Variants in PPM1H observed in about 807,000 individuals in gnomAD.
The protein encoded by PPM1H is protein phosphatase 1H.
A neutral mutation model predicts 54.9 loss-of-function variants in PPM1H; 27 were observed. That is an observed-to-expected ratio of 0.49 (90% CI 0.36 to 0.68). The LOEUF (loss-of-function observed/expected upper bound fraction) is 0.68. Among genes scored for constraint, PPM1H ranks in the 30% least tolerant of loss-of-function variants. The pLI, the probability that PPM1H is intolerant of heterozygous loss-of-function variation, is 0.00. For missense variants in PPM1H, 596 were observed against 667.8 expected (o/e 0.89, Z 1.19); for synonymous variants, 305 against 270.8 (o/e 1.13, Z -1.24).
chr12:62,934,844 C>G lies in PPM1H; in HGVS notation c.-108G>C. The G allele has an allele frequency of 8.8e-7, 1 of 1,141,710 alleles. No individual in the cohort carries two copies. Among genetic ancestry groups the G allele is most frequent in the South Asian group, 4.3e-5 (1 of 23,090 alleles). 70.7% of individuals were successfully genotyped at this position (1,141,710 alleles called of 1,614,324 possible). A position where few individuals can be genotyped will look rare whatever the true frequency, so the allele number is the denominator to read the frequency against. ...GGTGGGCGCCGGGCGCACGGCGAGT[C>G]GGGCCACTGGGACGCGCCGCGCGCG... On this transcript the variant is annotated 5_prime_UTR_variant, in exon 1 of 10. Coordinates refer to ENST00000228705, the MANE Select transcript of PPM1H (RefSeq NM_020700.2). The surrounding 1 kb of genome is among the most constrained non-coding windows in gnomAD (Gnocchi z 4.2).
intron 3 of PPM1H, among the ~76,000 whole-genome samples, chr12:62,797,626 C>T (rs1465869512): frequency 6.6e-6 from 1 of 152,034 alleles, no homozygotes; most frequent in African/African-American, 2.4e-5. Flanking sequence ...AAGGTTTACA[C>T]GGTAAGACAA....
At chr12:62,756,141 C>A (rs2076472923) in intron 4 of PPM1H, 9 of 849,024 alleles carry the variant, frequency 1.1e-5, no homozygotes, top group East Asian at 2.5e-5. Flanking sequence ...CCTCAACGAC[C>A]ACTTTGTCAA....
intron 6 of PPM1H, among the ~76,000 whole-genome samples, chr12:62,694,774 C>T (rs1454978644): frequency 1.3e-5 from 2 of 152,152 alleles, no homozygotes. Flanking sequence ...TCTCAGTTTC[C>T]TCATCTGTAC....
At chr12:62,751,774 A>G (rs186132494) in intron 4 of PPM1H, among the ~76,000 whole-genome samples, 7 of 152,340 alleles carry the variant, frequency 4.6e-5, no homozygotes, top group African/African-American at 1.7e-4. Flanking sequence ...TAATGTACTG[A>G]GAATGTCTTG....
At chr12:62,725,823 T>C (rs2076286611) in intron 5 of PPM1H, among the ~76,000 whole-genome samples, 1 of 152,062 alleles carries the variant, frequency 6.6e-6, no homozygotes, top group Non-Finnish European at 1.5e-5. Flanking sequence ...AAATATAAAA[T>C]TCAGATATGT....
intron 4 of PPM1H, among the ~76,000 whole-genome samples, chr12:62,763,802 G>T (rs958038942): frequency 2.0e-5 from 3 of 152,176 alleles, no homozygotes; most frequent in Non-Finnish European, 4.4e-5. Context: ...GGTTTGGCCA[G>T]ACCTAAACCT....
At chr12:62,812,766 C>T (rs2076842752) in intron 2 of PPM1H, among the ~76,000 whole-genome samples, 1 of 149,426 alleles carries the variant, frequency 6.7e-6, no homozygotes. Flanking sequence ...TCCCATTTTT[C>T]AAAAAATCTA....
chr12:62,755,838 A>C, intron 4 of PPM1H: 1 of 799,106 alleles, frequency 1.3e-6, no homozygotes, highest in South Asian at 1.4e-5. Context: ...GGCGCTCTCC[A>C]GAACATCATC....
intron 9 of PPM1H, among the ~76,000 whole-genome samples, chr12:62,664,272 T>C (rs1286217014): frequency 1.3e-5 from 2 of 152,198 alleles, no homozygotes; most frequent in African/African-American, 2.4e-5. Flanking sequence ...CTATGCTTAG[T>C]TTATTAAATT....
At chr12:62,766,995 G>C (rs1024861397) in intron 4 of PPM1H, among the ~76,000 whole-genome samples, 12 of 152,212 alleles carry the variant, frequency 7.9e-5, no homozygotes, top group African/African-American at 2.9e-4. Flanking sequence ...AAATAGGCTT[G>C]CTCAGTTGGT....
intron 4 of PPM1H, among the ~76,000 whole-genome samples, chr12:62,784,753 A>G (rs1296533380): frequency 6.6e-6 from 1 of 152,378 alleles, no homozygotes; most frequent in East Asian, 1.9e-4. Context: ...ATATTTCTGT[A>G]AGCTCAAATA....
chr12:62,685,488 A>T (rs1192037291), intron 8 of PPM1H, among the ~76,000 whole-genome samples: 1 of 152,240 alleles, frequency 6.6e-6, no homozygotes, highest in African/African-American at 2.4e-5. Flanking sequence ...CTTGCTACTT[A>T]TTAACTGTAT....
At chr12:62,860,627 A>G (rs1460330015) in intron 1 of PPM1H, among the ~76,000 whole-genome samples, 1 of 152,172 alleles carries the variant, frequency 6.6e-6, no homozygotes, top group East Asian at 1.9e-4. Context: ...TATGGTGATA[A>G]CCCTGATTAT....
In PPM1H at chr12:62,752,621, T is replaced by C. The variant is rs374911212; in HGVS notation, c.870-15035A>G. 2.6e-5 allele frequency among the ~76,000 whole-genome samples: 4 copies of C among 152,262 alleles called. No homozygotes were observed. In the East Asian group the frequency reaches 7.7e-4, roughly 29 times the overall value. On this transcript the variant is annotated intron_variant, in intron 4 of 9. Transcript: ENST00000228705. ...CTTAACATTTTTCCAAGCATATCCA[T>C]AATTTTTAATTTTATTGTGACAAAG...
chr12:62,914,973 A>G lies in PPM1H; in HGVS notation c.245+19519T>C, dbSNP rs199877479. 1.9e-4 allele frequency among the ~76,000 whole-genome samples: 29 copies of G among 152,300 alleles called. No individual in the cohort carries two copies. The East Asian group carries it at 4.8e-3, about 25-fold the overall frequency. The stretch of plus-strand genomic sequence containing the variant: ...TTCACCCTTCATCTGTTTCACTCCC[A>G]TATCTGCTACTTTTCCCAAACATAA... On this transcript the variant is annotated intron_variant, in intron 1 of 9. Coordinates refer to ENST00000228705, the MANE Select transcript of PPM1H (RefSeq NM_020700.2).
chr12:62,788,255 C>T lies in PPM1H; in HGVS notation c.840G>A (p.Lys280=), dbSNP rs1193066486. The T allele has an allele frequency of 3.8e-6, 6 of 1,599,160 alleles. No individual in the cohort carries two copies. In the East Asian group the frequency reaches 1.1e-4, roughly 30 times the overall value. ...TALIVICLLG[K]LYVANAGDSR... ...TATCCCCAGCATTTGCAACATACAGCTTCCCCAAAAGGCAAATCACAATGA... is the reference window on the plus strand; with the variant it reads ...TATCCCCAGCATTTGCAACATACAGTTTCCCCAAAAGGCAAATCACAATGA... Residue 280 remains lysine (K), a synonymous_variant, in exon 4 of 10, where the codon AAG becomes AAA. Transcript: ENST00000228705.
intron 4 of PPM1H, among the ~76,000 whole-genome samples, chr12:62,751,779 G>A (rs896037791): frequency 7.2e-5 from 11 of 152,240 alleles, no homozygotes; most frequent in Admixed American, 7.2e-4. Flanking sequence ...TACTGAGAAT[G>A]TCTTGCAGTG....
At chr12:62,654,395 GTACTTCAGTAAGCACACTGCA>G (rs2075833042) in intron 9 of PPM1H, among the ~76,000 whole-genome samples, 1 of 152,094 alleles carries the variant, frequency 6.6e-6, no homozygotes, top group Non-Finnish European at 1.5e-5. Context: ...ATGAGCATGC[GTACTTCAGTAAGCACACTGCA>G]TATGCAGCCC....
chr12:62,720,380 G>T (rs1022165681), intron 5 of PPM1H, 91 bp from the exon 6 acceptor site: 7 of 949,668 alleles, frequency 7.4e-6, no homozygotes, highest in African/African-American at 4.9e-5. Context: ...ATTGAGACAG[G>T]CCATATTTTA....
Sources: allele counts gnomAD v4.1 joint callset (sites outside exome capture counted in the v4.1 genomes callset), GRCh38; gene constraint gnomAD v4.1.1; non-coding constraint Gnocchi (gnomAD v3.1); transcripts MANE v1.5; gene names NCBI Gene and HGNC (gene_info 2026-07-23, HGNC 2026-07-21).